The following HMCN1 variants were observed in gnomAD, a reference collection of about 807,000 sequenced individuals.
The protein encoded by HMCN1 is hemicentin 1, also known as hemicentin-1.
A neutral mutation model predicts 625.9 loss-of-function variants in HMCN1; 321 were observed. That is an observed-to-expected ratio of 0.51 (90% confidence interval 0.47 to 0.56). The LOEUF (loss-of-function observed/expected upper bound fraction) is 0.56. Among genes scored for constraint, HMCN1 ranks in the 20% least tolerant of loss-of-function variants. The probability of loss-of-function intolerance (pLI) is 0.00; values close to 1 mark genes in which losing one functional copy is unlikely to be tolerated. For missense variants in HMCN1, 6,588 were observed against 6,887.3 expected (o/e 0.96, Z 1.54); for synonymous variants, 2,425 against 2,417.6 (o/e 1.00, Z -0.09).
At chr1:186,172,940 G>A (rs1652324400) in intron 102 of HMCN1, among the ~76,000 whole-genome samples, 1 of 152,108 alleles carries the variant, frequency 6.6e-6, no homozygotes, top group Non-Finnish European at 1.5e-5. Context: ...AGGAGGTCAT[G>A]AAAATGATCA....
chr1:185,971,994 A>G (rs1650865350), intron 15 of HMCN1, among the ~76,000 whole-genome samples: 1 of 152,200 alleles, frequency 6.6e-6, no homozygotes, highest in African/African-American at 2.4e-5. Context: ...AGCAAGATGT[A>G]AAACACAGTA....
Position 185,965,784 on chromosome 1 carries a change from C to T in HMCN1, c.2099-18C>T, listed in dbSNP as rs756417995. The T allele has an allele frequency of 1.5e-5, 21 of 1,375,350 alleles. No homozygotes were observed. The highest frequency in any genetic ancestry group is 1.2e-4 in the Admixed American group (7 of 59,576). 85.2% of individuals were successfully genotyped at this position (1,375,350 alleles called of 1,614,324 possible). ...TCTTGTGCTAAATGTTGACTATTTGCGTTTTTGTTTTTTTCAGAAGCCCCT... is the reference window on the plus strand; with the variant it reads ...TCTTGTGCTAAATGTTGACTATTTGTGTTTTTGTTTTTTTCAGAAGCCCCT... On this transcript the variant is annotated intron_variant, in intron 13 of 106. Coordinates refer to ENST00000271588, the MANE Select transcript of HMCN1 (RefSeq NM_031935.3).
intron 89 of HMCN1, among the ~76,000 whole-genome samples, chr1:186,143,420 G>A (rs1225943935): frequency 6.6e-6 from 1 of 152,174 alleles, no homozygotes; most frequent in Non-Finnish European, 1.5e-5. Flanking sequence ...AAGCCATAAT[G>A]TTGAATCTCA....
intron 11 of HMCN1, among the ~76,000 whole-genome samples, chr1:185,943,593 G>T (rs749085827): frequency 1.3e-5 from 2 of 152,126 alleles, no homozygotes; most frequent in Non-Finnish European, 2.9e-5. Context: ...GGGCAGCATG[G>T]AACTTTCATG....
At chr1:186,021,550 A>G (rs1654723805) in intron 35 of HMCN1, among the ~76,000 whole-genome samples, 1 of 151,766 alleles carries the variant, frequency 6.6e-6, no homozygotes, top group Non-Finnish European at 1.5e-5. Context: ...CGATCTTTAA[A>G]AATTATGGCA....
intron 17 of HMCN1, 99 bp downstream of exon 17, chr1:185,981,172 G>A: frequency 1.3e-6 from 1 of 777,996 alleles, no homozygotes; most frequent in Admixed American, 1.8e-5. Context: ...AAAAACAAAA[G>A]ATAAATGACT....
intron 68 of HMCN1, 92 bp from the exon 69 acceptor site, chr1:186,103,380 A>G: frequency 2.0e-6 from 2 of 981,886 alleles, no homozygotes; most frequent in Middle Eastern, 2.2e-4. Flanking sequence ...TATCATGTGA[A>G]TGTGAATTTG....
intron 71 of HMCN1, among the ~76,000 whole-genome samples, chr1:186,109,961 T>C (rs1412087168): frequency 6.6e-6 from 1 of 152,166 alleles, no homozygotes; most frequent in Non-Finnish European, 1.5e-5. Flanking sequence ...ACTGAGTGAA[T>C]GTTGATGATG....
chr1:186,029,519 G>A (rs147966327), intron 36 of HMCN1, among the ~76,000 whole-genome samples: 497 of 146,524 alleles, frequency 3.4e-3, no homozygotes, highest in African/African-American at 0.012. Flanking sequence ...GCATACAACT[G>A]TTTGTAATCT....
intron 4 of HMCN1, among the ~76,000 whole-genome samples, chr1:185,902,409 A>G (rs60523363): frequency 1.6e-4 from 12 of 76,066 alleles, no homozygotes; most frequent in African/African-American, 1.0e-3. Context: ...ATCTATCTCT[A>G]TCTATCTATC....
chr1:185,783,392 G>A (rs1341260048), intron 1 of HMCN1, among the ~76,000 whole-genome samples: 1 of 152,296 alleles, frequency 6.6e-6, no homozygotes, highest in East Asian at 1.9e-4. Flanking sequence ...CTGGTGAGGA[G>A]CTACGTTTCT....
intron 98 of HMCN1, 143 bp from the exon 99 acceptor site, chr1:186,166,041 C>T (rs1457508904): frequency 1.3e-6 from 1 of 792,104 alleles, no homozygotes; most frequent in Admixed American, 2.4e-5. Context: ...TCAGTGAATT[C>T]ATTTTGTGGC....
intron 4 of HMCN1, among the ~76,000 whole-genome samples, chr1:185,870,227 A>G (rs771092129): frequency 6.6e-6 from 1 of 152,196 alleles, no homozygotes; most frequent in Non-Finnish European, 1.5e-5. Flanking sequence ...GAATACAGAC[A>G]AGGAACTAAA....
intron 1 of HMCN1, among the ~76,000 whole-genome samples, chr1:185,755,690 T>C (rs1655089380): frequency 6.6e-6 from 1 of 152,152 alleles, no homozygotes; most frequent in Non-Finnish European, 1.5e-5. Flanking sequence ...AGGTGTGGGC[T>C]GAAGACTGTG....
At chr1:186,100,171 C>T (rs549466386) in intron 68 of HMCN1, among the ~76,000 whole-genome samples, 2 of 152,102 alleles carry the variant, frequency 1.3e-5, no homozygotes, top group South Asian at 4.1e-4. Flanking sequence ...TAGTGGAATT[C>T]TTAAAGAACA....
chr1:185,981,115 C>G, intron 17 of HMCN1, 42 bp downstream of exon 17: 1 of 1,154,608 alleles, frequency 8.7e-7, no homozygotes, highest in Non-Finnish European at 1.3e-6. Flanking sequence ...TCTTCAAAGT[C>G]ATCAGACTTC....
At position 186,003,747 on chromosome 1, in the gene HMCN1, C is replaced by A; in HGVS notation, c.4378C>A (p.Pro1460Thr). 6.8e-6 allele frequency: 11 copies of A among 1,613,220 alleles called. No homozygotes were observed. Among genetic ancestry groups the A allele is most frequent in the Non-Finnish European group, 9.3e-6 (11 of 1,179,340 alleles). ...ACCCACCATAATAGGTACCAACTTC[C>A]CAAATGAAGTCTCAGTTGTCCTCAA... ...VPPTIIGTNF[P>T]NEVSVVLNRD... Residue 1460 changes from proline to threonine, a missense_variant, in exon 29 of 107, where the codon CCA becomes ACA. Pro to Thr is a conservative substitution (Grantham distance 38). Coordinates refer to ENST00000271588, the MANE Select transcript of HMCN1 (RefSeq NM_031935.3).
intron 29 of HMCN1, among the ~76,000 whole-genome samples, chr1:186,006,869 T>A (rs1419869144): frequency 1.3e-5 from 2 of 151,894 alleles, no homozygotes; most frequent in Non-Finnish European, 2.9e-5. Flanking sequence ...ATGACACTAC[T>A]GGATTTCTAT....
intron 89 of HMCN1, among the ~76,000 whole-genome samples, chr1:186,138,419 T>C (rs2102538348): frequency 6.6e-6 from 1 of 152,344 alleles, no homozygotes; most frequent in East Asian, 1.9e-4. Context: ...GCTAGGTGCT[T>C]TATATTGTTA....
Sources: allele counts gnomAD v4.1 joint callset (sites outside exome capture counted in the v4.1 genomes callset), GRCh38; gene constraint gnomAD v4.1.1; transcripts MANE v1.5; gene names NCBI Gene and HGNC (gene_info 2026-07-23, HGNC 2026-07-21).